ERCC5: variants seen among roughly 807,000 people sequenced by gnomAD.
The protein encoded by ERCC5 is DNA excision repair protein ERCC-5.
Under a neutral mutation model 105.6 loss-of-function variants are expected in ERCC5, and 68 were observed. That is an observed-to-expected ratio of 0.64 (90% CI 0.53 to 0.79). The LOEUF (loss-of-function observed/expected upper bound fraction) is 0.79, where lower values mean the gene tolerates loss of function less well. ERCC5 is among the 30% of genes least tolerant of loss of function. ERCC5 has a pLI of 0.00. For missense variants in ERCC5, 1,373 were observed against 1,426.7 expected (o/e 0.96, Z 0.61); for synonymous variants, 546 against 526.2 (o/e 1.04, Z -0.51).
Position 102,873,350 on chromosome 13 carries a change from A to ATGG in ERCC5, c.2964+11_2964+13dup, listed in dbSNP as rs1253305239. ...GCAACTCGATGCCCAGCAGGTAATC[A>ATGG]TGGTGGACCCTTCTCCTAAGTTCAG... On this transcript the variant is annotated splice_region_variant and intron_variant, in intron 14 of 14. Coordinates refer to ENST00000652225, the MANE Select transcript of ERCC5 (RefSeq NM_000123.4). 1.9e-6 allele frequency: 3 copies of ATGG among 1,614,014 alleles called. No homozygotes were observed. The Admixed American group carries it at 5.0e-5, about 27-fold the overall frequency.
In ERCC5 at chr13:102,859,138, C is replaced by G. The variant is rs184378111; in HGVS notation, c.672+720C>G. Among the ~76,000 whole-genome samples, 209 of 152,320 alleles carry G rather than the reference C, an allele frequency of 1.4e-3. 1 individual carries two copies. Among genetic ancestry groups the G allele is most frequent in the African/African-American group, 4.9e-3 (202 of 41,576 alleles). On this transcript the variant is annotated intron_variant, in intron 6 of 14. Coordinates refer to ENST00000652225, the MANE Select transcript of ERCC5 (RefSeq NM_000123.4). Reference sequence around the variant, plus strand: ...CATGTTACTATTGATGACTCCCTGTCTTAGTTGCCAGTGAGTGAGTTCTTT... The same window carrying G: ...CATGTTACTATTGATGACTCCCTGTGTTAGTTGCCAGTGAGTGAGTTCTTT...
In ERCC5 at chr13:102,875,380, A is replaced by G. The variant is rs587778292; in HGVS notation, c.3038A>G (p.Gln1013Arg). The G allele has an allele frequency of 1.2e-4, 199 of 1,614,076 alleles. No homozygotes were observed. The Admixed American group carries it at 2.3e-3, about 18-fold the overall frequency. ...EKEDAKRIKS[Q>R]RLNRAVTCML... ...GAAGATGCTAAACGTATTAAGAGCC[A>G]GAGACTAAACAGAGCTGTGACATGT... The change falls in exon 15 of 15, where the codon CAG (glutamine) becomes CGG (arginine). Residue 1013 changes from glutamine (Q) to arginine (R), a missense_variant. Around this residue, in one of 3 missense-constraint regions of ERCC5, gnomAD observed 367 missense variants for 350.2 expected, o/e 1.05. Transcript: ENST00000652225.
Position 102,861,559 on chromosome 13 carries a change from A to C in ERCC5, c.725A>C (p.Tyr242Ser). 1.2e-6 allele frequency: 2 copies of C among 1,614,194 alleles called. No homozygotes were observed. The highest frequency in any genetic ancestry group is 1.7e-6 in the Non-Finnish European group (2 of 1,180,028). The change falls in exon 7 of 15, where the codon TAT (tyrosine) becomes TCT (serine). Residue 242 changes from tyrosine to serine, a missense_variant. Coordinates refer to ENST00000652225, the MANE Select transcript of ERCC5 (RefSeq NM_000123.4). Reference sequence around the variant, plus strand: ...CTCAAAGGCTTGCTTAAAAAGAACTATCTGAACCAGCATATAGAACATGTC... The same window carrying C: ...CTCAAAGGCTTGCTTAAAAAGAACTCTCTGAACCAGCATATAGAACATGTC... Reference protein sequence around the residue: ...YQLKGLLKKNYLNQHIEHVQK... With the variant: ...YQLKGLLKKNSLNQHIEHVQK...
chr13:102,856,559 G>A (rs1450551084), intron 5 of ERCC5, among the ~76,000 whole-genome samples: 1 of 152,182 alleles, frequency 6.6e-6, no homozygotes, highest in Non-Finnish European at 1.5e-5. Context: ...ACACATATGT[G>A]TGTATGTTCT....
At chr13:102,872,804 T>A (rs751896966) in intron 13 of ERCC5, among the ~76,000 whole-genome samples, 3 of 152,248 alleles carry the variant, frequency 2.0e-5, no homozygotes, top group African/African-American at 4.8e-5. Flanking sequence ...TACTTAAATA[T>A]TATTGATTCT....
chr13:102,860,940 A>C (rs1313230890), intron 6 of ERCC5, among the ~76,000 whole-genome samples: 1 of 152,136 alleles, frequency 6.6e-6, no homozygotes, highest in Non-Finnish European at 1.5e-5. Context: ...TTACATGCTC[A>C]ATACATGTTT....
In ERCC5 at chr13:102,862,429, A is replaced by G; in HGVS notation, c.1280A>G (p.Asn427Ser). 6.2e-7 allele frequency: 1 copy of G among 1,614,158 alleles called. No individual in the cohort carries two copies. Among genetic ancestry groups the G allele is most frequent in the Admixed American group, 1.7e-5 (1 of 60,008 alleles). ...ATGCGTATAAACAGCTCCACCGAGA[A>G]CAGTGATGAAGGACTTAAAGTGAGA... ...EEMRINSSTE[N>S]SDEGLKVRDG... is the part of the protein sequence containing the mutation. The change falls in exon 8 of 15, where the codon AAC becomes AGC. Residue 427 changes from asparagine (N) to serine (S), a missense_variant. This residue lies in a region of ERCC5 where 1,004 missense variants were observed against 1,059.7 expected (regional missense o/e 0.95). Transcript: ENST00000652225.
In ERCC5 at chr13:102,858,351, A is replaced by G. The variant is rs1267724590; in HGVS notation, c.605A>G (p.His202Arg). The stretch of plus-strand genomic sequence containing the variant: ...AGCAGCCTGCCCCCTGAAGTAAAGC[A>G]TGAAATCTTGACTGATATGAAAGAG... Reference protein sequence around the residue: ...DFSSLPPEVKHEILTDMKEFT... With the variant: ...DFSSLPPEVKREILTDMKEFT... Residue 202 changes from histidine to arginine, a missense_variant, in exon 6 of 15, where the codon CAT (histidine) becomes CGT (arginine). Coordinates refer to ENST00000652225, the MANE Select transcript of ERCC5 (RefSeq NM_000123.4). 1.2e-6 allele frequency: 2 copies of G among 1,614,178 alleles called. No individual in the cohort carries two copies. Among genetic ancestry groups the G allele is most frequent in the East Asian group, 2.2e-5 (1 of 44,866 alleles).
chr13:102,853,370 A>G (rs1273412937), intron 2 of ERCC5, among the ~76,000 whole-genome samples: 2 of 152,254 alleles, frequency 1.3e-5, no homozygotes, highest in Non-Finnish European at 2.9e-5. Flanking sequence ...ATTACATGTA[A>G]GTAATGCATG....
At chr13:102,854,207 T>C in intron 3 of ERCC5, 81 bp from the exon 4 acceptor site, 13 of 1,462,928 alleles carry the variant, frequency 8.9e-6, no homozygotes, top group Non-Finnish European at 1.2e-5. Flanking sequence ...AGCAGTGGCC[T>C]GAGAGCAGCC....
Position 102,862,041 on chromosome 13 carries a change from AAGAC to A in ERCC5, c.895_898del (p.Thr299LeufsTer22). 1 of 1,614,238 alleles carries A rather than the reference AAGAC, an allele frequency of 6.2e-7. No individual in the cohort carries two copies. Among genetic ancestry groups the A allele is most frequent in the Non-Finnish European group, 8.5e-7 (1 of 1,180,036 alleles). On this transcript the variant is annotated frameshift_variant, in exon 8 of 15. Coordinates refer to ENST00000652225, the MANE Select transcript of ERCC5 (RefSeq NM_000123.4). LOFTEE classifies it high-confidence loss of function. ...TAATTCTTCTTAAGGTATTCAAGCT[AAGAC>A]AGTTGCAGAAGTGGATTCAGAGTCT...
At chr13:102,860,341 A>G (rs1372997805) in intron 6 of ERCC5, among the ~76,000 whole-genome samples, 2 of 152,248 alleles carry the variant, frequency 1.3e-5, no homozygotes, top group Non-Finnish European at 2.9e-5. Flanking sequence ...GCGAAAAGAA[A>G]TTGGTGCTAG....
chr13:102,855,993 TA>T, intron 4 of ERCC5, 58 bp from the exon 5 acceptor site: 1 of 1,547,840 alleles, frequency 6.5e-7, no homozygotes, highest in Non-Finnish European at 8.9e-7. Context: ...TGCATACAAG[TA>T]TTTTTGTAAG....
At chr13:102,861,925 G>T (rs953332068) in intron 7 of ERCC5, 105 bp from the exon 8 acceptor site, 1 of 1,489,350 alleles carries the variant, frequency 6.7e-7, no homozygotes. Flanking sequence ...AAATGAAAAT[G>T]TATATACTTA....
rs1237051026 is a variant in ERCC5, at chr13:102,866,251, A to G, written c.2200-11A>G. On this transcript the variant is annotated splice_polypyrimidine_tract_variant and intron_variant, in intron 9 of 14. Coordinates refer to ENST00000652225, the MANE Select transcript of ERCC5 (RefSeq NM_000123.4). The stretch of plus-strand genomic sequence containing the variant: ...TTAATATAAATCTATAAATGAAAAA[A>G]CATTTTATAGGAGGAGTTGGAAACT... The G allele has an allele frequency of 3.1e-6, 5 of 1,613,812 alleles. No homozygotes were observed. In the South Asian group the frequency reaches 4.4e-5, roughly 14 times the overall value.
At chr13:102,855,902 C>A (rs569116362) in intron 4 of ERCC5, 150 bp from the exon 5 acceptor site, 2 of 758,382 alleles carry the variant, frequency 2.6e-6, no homozygotes, top group Non-Finnish European at 4.7e-6. Flanking sequence ...TACACGTGTC[C>A]CCCACCAGAC....
intron 5 of ERCC5, among the ~76,000 whole-genome samples, chr13:102,856,673 G>C (rs958316737): frequency 1.3e-5 from 2 of 152,234 alleles, no homozygotes; most frequent in East Asian, 3.8e-4. Context: ...TCTCTCTGGG[G>C]TCTCTTGTGT....
intron 1 of ERCC5, among the ~76,000 whole-genome samples, chr13:102,851,358 G>A (rs188364929): frequency 1.4e-4 from 22 of 152,152 alleles, no homozygotes; most frequent in Middle Eastern, 3.4e-3. Context: ...GCAGTGGCGC[G>A]ATCTCGGCTC....
intron 4 of ERCC5, among the ~76,000 whole-genome samples, chr13:102,854,658 A>G (rs766936169): frequency 2.6e-5 from 4 of 152,196 alleles, no homozygotes; most frequent in Non-Finnish European, 5.9e-5. Flanking sequence ...TTTTGCTTAC[A>G]CTTTGCTTAC....
Sources: gnomAD v4.1 joint callset for allele counts (sites outside exome capture counted in the v4.1 genomes callset) on GRCh38, gnomAD v4.1.1 for gene constraint, gnomAD v4.1.1 regional missense constraint, MANE v1.5 for transcripts, NCBI Gene and HGNC (gene_info 2026-07-23, HGNC 2026-07-21) for gene names.